The following TUSC3 variants were observed in gnomAD, a reference collection of about 807,000 sequenced individuals.
The protein encoded by TUSC3 is tumor suppressor candidate 3, also known as dolichyl-diphosphooligosaccharide--protein glycosyltransferase subunit TUSC3.
Under a neutral mutation model 44.8 loss-of-function variants are expected in TUSC3, and 45 were observed. The observed-to-expected ratio is 1.00, with a 90% CI of 0.79 to 1.29. TUSC3 has a LOEUF of 1.29. Among genes scored for constraint, TUSC3 ranks in the 50% most tolerant of loss-of-function variants. TUSC3 has a pLI of 0.00. For missense variants in TUSC3, 519 were observed against 437.9 expected, an observed-to-expected ratio of 1.19 and a Z score of -1.65; for synonymous variants, 212 against 152.9, an observed-to-expected ratio of 1.39 and a Z score of -2.85.
chr8:15,816,248 G>A, the TUSC3 span, among the ~76,000 whole-genome samples: 9 of 152,138 alleles, frequency 5.9e-5, no homozygotes, highest in African/African-American at 1.4e-4. Flanking sequence ...GAAGAGAACT[G>A]GAGATGGGTT....
intron 2 of TUSC3, among the ~76,000 whole-genome samples, chr8:15,519,914 A>G (rs1461722719): frequency 2.0e-5 from 3 of 152,230 alleles, no homozygotes; most frequent in African/African-American, 4.8e-5. Flanking sequence ...CATAGCTACT[A>G]TAACTCTCAA....
the TUSC3 span, among the ~76,000 whole-genome samples, chr8:15,838,860 G>GAACTTTAAAAA: frequency 3.9e-5 from 6 of 152,224 alleles, no homozygotes; most frequent in African/African-American, 1.4e-4. Flanking sequence ...GGTTCCATAT[G>GAACTTTAAAAA]AACTTTAAAG....
the TUSC3 span, among the ~76,000 whole-genome samples, chr8:15,814,035 C>T: frequency 2.0e-5 from 3 of 152,186 alleles, no homozygotes; most frequent in African/African-American, 7.2e-5. Flanking sequence ...CCATTAAATA[C>T]TTAGAACACT....
intron 6 of TUSC3, among the ~76,000 whole-genome samples, chr8:15,678,226 T>C (rs1037948301): frequency 6.6e-6 from 1 of 152,180 alleles, no homozygotes; most frequent in African/African-American, 2.4e-5. Flanking sequence ...GCAAAGTTAT[T>C]ACTTCTCCAG....
At chr8:15,794,785 G>A in the TUSC3 span, among the ~76,000 whole-genome samples, 1 of 152,066 alleles carries the variant, frequency 6.6e-6, no homozygotes, top group South Asian at 2.1e-4. Context: ...CCACAGGGGG[G>A]AAAATACCTT....
At chr8:15,749,661 G>A (rs1811606212) in intron 9 of TUSC3, among the ~76,000 whole-genome samples, 1 of 151,482 alleles carries the variant, frequency 6.6e-6, no homozygotes, top group African/African-American at 2.4e-5. Flanking sequence ...ACTTTAGAGA[G>A]CCAGCCAATT....
chr8:15,598,896 T>C (rs996307158), intron 1 of TUSC3, among the ~76,000 whole-genome samples: 1 of 151,868 alleles, frequency 6.6e-6, no homozygotes, highest in South Asian at 2.1e-4. Context: ...AAAGGTGTTA[T>C]CAACACCTCT....
chr8:15,499,970 T>C (rs1800936616), intron 2 of TUSC3, among the ~76,000 whole-genome samples: 1 of 152,218 alleles, frequency 6.6e-6, no homozygotes, highest in South Asian at 2.1e-4. Flanking sequence ...TAGATCATAT[T>C]TCCAGCACTC....
At chr8:15,701,146 C>T (rs1260301336) in intron 6 of TUSC3, among the ~76,000 whole-genome samples, 6 of 151,998 alleles carry the variant, frequency 3.9e-5, no homozygotes, top group South Asian at 2.1e-4. Context: ...GTACAAATAG[C>T]GTAATACACA....
chr8:15,623,014 T>C, intron 1 of TUSC3, 66 bp from the exon 2 acceptor site: 1 of 1,505,750 alleles, frequency 6.6e-7, no homozygotes, highest in Non-Finnish European at 9.1e-7. Flanking sequence ...TTTTATGCAT[T>C]TATATGAAAT....
downstream of TUSC3, among the ~76,000 whole-genome samples, chr8:15,769,026 A>G (rs533583532): frequency 1.3e-5 from 2 of 152,268 alleles, no homozygotes; most frequent in South Asian, 2.1e-4. Context: ...ATTAAATGCT[A>G]TCCATCAACC....
the TUSC3 span, among the ~76,000 whole-genome samples, chr8:15,797,238 A>G: frequency 6.6e-5 from 10 of 152,342 alleles, no homozygotes; most frequent in Admixed American, 3.9e-4. Flanking sequence ...TTTGGGCCCT[A>G]TGCAAATTAT....
At chr8:15,775,871 G>A in the TUSC3 span, among the ~76,000 whole-genome samples, 2 of 151,264 alleles carry the variant, frequency 1.3e-5, no homozygotes, top group African/African-American at 4.9e-5. Context: ...TTATATAGGA[G>A]CAAGATGCTT....
Position 15,758,429 on chromosome 8 carries a change from G to T in TUSC3, c.*46+574G>T, listed in dbSNP as rs3789010. ...TATAATTTTATATGTATGTAAAATT[G>T]ACAGTAATTTTTTGCAGAAAATTCA... is the stretch of plus-strand genomic sequence containing the variant. On this transcript the variant is annotated intron_variant, in intron 10 of 10. Coordinates refer to ENST00000503731, the MANE Select transcript of TUSC3 (RefSeq NM_006765.4). Among the ~76,000 whole-genome samples, 95 of 151,340 alleles carry T rather than the reference G, an allele frequency of 6.3e-4. No individual in the cohort carries two copies. In the East Asian group the frequency reaches 0.012, roughly 19 times the overall value.
At chr8:15,685,433 A>G (rs1808589545) in intron 6 of TUSC3, among the ~76,000 whole-genome samples, 1 of 151,978 alleles carries the variant, frequency 6.6e-6, no homozygotes, top group African/African-American at 2.4e-5. Flanking sequence ...TTTATTTGAT[A>G]TTTTGGTTCC....
chr8:15,530,305 C>T (rs999065645), intron 2 of TUSC3, among the ~76,000 whole-genome samples: 5 of 152,022 alleles, frequency 3.3e-5, no homozygotes, highest in African/African-American at 1.2e-4. Flanking sequence ...CTTTCTTGCC[C>T]CTACTCCTGT....
At chr8:15,615,248 G>A (rs139491848) in intron 1 of TUSC3, among the ~76,000 whole-genome samples, 8 of 152,312 alleles carry the variant, frequency 5.3e-5, no homozygotes, top group African/African-American at 1.9e-4. Context: ...CAAAAGTGTT[G>A]TATATACACA....
chr8:15,460,330 A>G (rs149231782), intron 1 of TUSC3, among the ~76,000 whole-genome samples: 2,736 of 152,194 alleles, frequency 0.018, 89 homozygotes, highest in African/African-American at 0.062. Flanking sequence ...GGCCATTTGT[A>G]AATCTTCTTT....
chr8:15,709,791 C>A (rs1490192635), intron 6 of TUSC3, among the ~76,000 whole-genome samples: 1 of 151,876 alleles, frequency 6.6e-6, no homozygotes, highest in Non-Finnish European at 1.5e-5. Flanking sequence ...TAGGGTTCCA[C>A]TGCAACTAGA....
Sources: allele counts gnomAD v4.1 joint callset (sites outside exome capture counted in the v4.1 genomes callset), GRCh38; gene constraint gnomAD v4.1.1; transcripts MANE v1.5; gene names NCBI Gene and HGNC (gene_info 2026-07-23, HGNC 2026-07-21).